PYGO1: variants seen among roughly 807,000 people sequenced by gnomAD.
PYGO1 encodes the protein pygopus family PHD finger 1.
PYGO1 carries 6 observed loss-of-function variants against 29.5 expected under a neutral mutation model. The ratio of observed to expected loss-of-function variants is 0.20; its 90% CI spans 0.11 to 0.40. The LOEUF (loss-of-function observed/expected upper bound fraction) is 0.40. Ranked by LOEUF, PYGO1 falls within the 10% of genes least tolerant of loss-of-function variation. The pLI, the probability that PYGO1 is intolerant of heterozygous loss-of-function variation, is 1.00. For missense variants in PYGO1, 515 were observed against 514.9 expected (o/e 1.00, Z 0.00); for synonymous variants, 186 against 180.5 (o/e 1.03, Z -0.24).
chr15:55,554,575 T>G (rs1410988614), intron 1 of PYGO1, among the ~76,000 whole-genome samples: 1 of 151,564 alleles, frequency 6.6e-6, no homozygotes, highest in Non-Finnish European at 1.5e-5. Flanking sequence ...TCAATTTCAC[T>G]GAGTTAAAGG....
At chr15:55,575,513 T>A (rs538509326) in intron 1 of PYGO1, among the ~76,000 whole-genome samples, 1 of 151,998 alleles carries the variant, frequency 6.6e-6, no homozygotes, top group African/African-American at 2.4e-5. Context: ...AAAAAATCAA[T>A]CACCCTGTTC....
At chr15:55,551,023 G>C (rs1469314749) in intron 1 of PYGO1, among the ~76,000 whole-genome samples, 1 of 152,164 alleles carries the variant, frequency 6.6e-6, no homozygotes, top group African/African-American at 2.4e-5. Context: ...GTTCACAATA[G>C]GGTTCACCCT....
upstream of PYGO1, chr15:55,588,702 C>G (rs2059061498): frequency 1.5e-6 from 2 of 1,341,208 alleles, no homozygotes; most frequent in East Asian, 4.8e-5. Context: ...CCGACGCTAC[C>G]GGGCCCAGCT....
chr15:55,587,630 C>T (rs1262734516), intron 1 of PYGO1, among the ~76,000 whole-genome samples: 1 of 151,762 alleles, frequency 6.6e-6, no homozygotes, highest in Non-Finnish European at 1.5e-5. Context: ...AGTCGGGAGG[C>T]GAGGGATCCG....
At chr15:55,560,089 C>A (rs2058926424) in intron 1 of PYGO1, among the ~76,000 whole-genome samples, 1 of 152,012 alleles carries the variant, frequency 6.6e-6, no homozygotes, top group African/African-American at 2.4e-5. Flanking sequence ...ACTGAATGGG[C>A]AAAAGCTGGA....
At position 55,546,724 on chromosome 15, in the gene PYGO1, T is replaced by A. The variant is rs546121595; in HGVS notation, c.559A>T (p.Ile187Phe). 7.4e-6 allele frequency: 12 copies of A among 1,613,872 alleles called. No individual in the cohort carries two copies. In the Admixed American group the frequency reaches 1.8e-4, roughly 25 times the overall value. ...RQNPAENFSQ[I>F]PPQNASQVSN... ...ACTTGGCTAGCATTCTGTGGAGGAA[T>A]TTGACTGAAATTTTCAGCAGGATTT... is the stretch of plus-strand genomic sequence containing the variant. Residue 187 changes from isoleucine (I) to phenylalanine (F), a missense_variant, in exon 3 of 3, where the codon ATT becomes TTT. By Grantham distance (21) the Ile-to-Phe change is conservative (BLOSUM62 0). Transcript: ENST00000563719.
rs138121283 is a variant in PYGO1 at position 55,556,483 on chromosome 15, G to A, written c.50-7488C>T. Among the ~76,000 whole-genome samples, 319 of 152,198 alleles carry A rather than the reference G, an allele frequency of 2.1e-3. 1 individual carries two copies. The highest frequency in any genetic ancestry group is 6.9e-3 in the African/African-American group (285 of 41,530). Reference sequence around the variant, plus strand: ...AGAGACAATGTACCAGAATCTCTGGGATGCAGCTAATGCAGTGTTAAGAGG... The same window carrying A: ...AGAGACAATGTACCAGAATCTCTGGAATGCAGCTAATGCAGTGTTAAGAGG... On this transcript the variant is annotated intron_variant, in intron 1 of 2. Transcript: ENST00000563719.
At chr15:55,548,884 T>C (rs2058865870) in intron 2 of PYGO1, 26 bp downstream of exon 2, 1 of 1,598,896 alleles carries the variant, frequency 6.3e-7, no homozygotes, top group African/African-American at 1.3e-5. Context: ...AAAGAAAAAC[T>C]TTTATTAAAG....
chr15:55,553,065 G>T (rs1427527287), intron 1 of PYGO1, among the ~76,000 whole-genome samples: 2 of 152,220 alleles, frequency 1.3e-5, no homozygotes, highest in Non-Finnish European at 2.9e-5. Context: ...TGGCACTGGG[G>T]AGTCCAGGCA....
At chr15:55,588,910 T>G (rs2059062670), upstream of PYGO1, 2 of 1,515,402 alleles carry the variant, frequency 1.3e-6, no homozygotes, top group Admixed American at 1.7e-5. Context: ...GACACCTGTC[T>G]GTAGAATGCC....
intron 2 of PYGO1, 126 bp downstream of exon 2, chr15:55,548,784 A>T: frequency 1.9e-6 from 1 of 522,198 alleles, no homozygotes; most frequent in Non-Finnish European, 3.2e-6. Flanking sequence ...GATTGAAAGT[A>T]CAATGAATGA....
rs1287605655 is a variant in PYGO1, at chr15:55,584,318, C to T, written c.49+3517G>A. On this transcript the variant is annotated intron_variant, in intron 1 of 2. Coordinates refer to ENST00000563719, the MANE Select transcript of PYGO1 (RefSeq NM_001367806.1). ...ACTTTTAGTAGAGACAGGTTGTCGT[C>T]CAGGCTGTTCTTAAACTCCTGGAGT... Among the ~76,000 whole-genome samples, 6 of 152,052 alleles carry T rather than the reference C, an allele frequency of 3.9e-5. No individual in the cohort carries two copies. The East Asian group carries it at 1.2e-3, about 29-fold the overall frequency.
At chr15:55,584,662 CATTT>C (rs1378057210) in intron 1 of PYGO1, among the ~76,000 whole-genome samples, 2 of 152,102 alleles carry the variant, frequency 1.3e-5, no homozygotes, top group Non-Finnish European at 2.9e-5. Context: ...CTCATTCATT[CATTT>C]GACATTTACT....
At chr15:55,558,280 T>C (rs1490033307) in intron 1 of PYGO1, among the ~76,000 whole-genome samples, 2 of 148,784 alleles carry the variant, frequency 1.3e-5, no homozygotes, top group African/African-American at 5.0e-5. Flanking sequence ...TACCTAGGAA[T>C]CCAACTTACA....
At chr15:55,559,716 C>G (rs139834746) in intron 1 of PYGO1, among the ~76,000 whole-genome samples, 1 of 152,196 alleles carries the variant, frequency 6.6e-6, no homozygotes, top group African/African-American at 2.4e-5. Context: ...GATAACAAAA[C>G]CTGGCAGAGA....
intron 1 of PYGO1, among the ~76,000 whole-genome samples, chr15:55,574,146 T>C (rs373480839): frequency 6.6e-6 from 1 of 152,200 alleles, no homozygotes. Context: ...ATGAAAAATA[T>C]GTGAGAACCA....
intron 1 of PYGO1, among the ~76,000 whole-genome samples, chr15:55,567,433 C>A (rs935266431): frequency 1.1e-4 from 16 of 151,714 alleles, no homozygotes; most frequent in African/African-American, 3.9e-4. Flanking sequence ...GTCTCAAACT[C>A]CTTTTGCCCA....
chr15:55,544,555 A>G lies in PYGO1; in HGVS notation c.*1468T>C, dbSNP rs1595978877. The G allele has an allele frequency of 6.6e-6, 1 of 152,198 alleles. No individual in the cohort carries two copies. The highest frequency in any genetic ancestry group is 1.9e-4 in the East Asian group (1 of 5,196). The allele number at this position is 152,198 out of a possible 1,614,324, so 9.4% of individuals were successfully genotyped here. ...GGTTCTTGTGTGTTACCCAAAGGAC[A>G]TTGTTTTTAAATCACATTTTCATGC... is the stretch of plus-strand genomic sequence containing the variant. On this transcript the variant is annotated 3_prime_UTR_variant, in exon 3 of 3. Coordinates refer to ENST00000563719, the MANE Select transcript of PYGO1 (RefSeq NM_001367806.1).
chr15:55,578,422 G>C (rs530285636), intron 1 of PYGO1, among the ~76,000 whole-genome samples: 1 of 152,074 alleles, frequency 6.6e-6, no homozygotes, highest in African/African-American at 2.4e-5. Context: ...GTTTAACTCT[G>C]AGAAACTGCC....
Sources: gnomAD v4.1 joint callset for allele counts (sites outside exome capture counted in the v4.1 genomes callset) on GRCh38, gnomAD v4.1.1 for gene constraint, MANE v1.5 for transcripts, NCBI Gene and HGNC (gene_info 2026-07-23, HGNC 2026-07-21) for gene names.